Variants in CNTNAP3 observed in about 807,000 individuals in gnomAD.
The protein encoded by CNTNAP3 is contactin-associated protein-like 3.
A neutral mutation model predicts 92.1 loss-of-function variants in CNTNAP3; 36 were observed. The ratio of observed to expected loss-of-function variants is 0.39; its 90% CI spans 0.30 to 0.52. CNTNAP3 has a LOEUF of 0.52. Ranked by LOEUF, CNTNAP3 falls within the 20% of genes least tolerant of loss-of-function variation. The pLI is 0.76. For synonymous variants in CNTNAP3, 232 were observed against 422.3 expected (o/e 0.55, Z 5.53); for missense variants, 534 against 1,069.6 (o/e 0.50, Z 6.98).
rs963731226 is a variant in CNTNAP3 at position 39,066,131 on chromosome 9, C to T, written c.*7759G>A. ...ATTGTGTAATATTGTAATATTATCA[C>T]TGTTTTTGTTACTCTAGCATTTGCT... On this transcript the variant is annotated 3_prime_UTR_variant, in exon 24 of 24. Transcript: ENST00000297668. 1.1e-4 allele frequency among the ~76,000 whole-genome samples: 17 copies of T among 152,274 alleles called. No homozygotes were observed. Among genetic ancestry groups the T allele is most frequent in the African/African-American group, 3.9e-4 (16 of 41,550 alleles).
intron 11 of CNTNAP3, among the ~76,000 whole-genome samples, chr9:39,142,825 A>G (rs542096035): frequency 1.6e-4 from 24 of 152,282 alleles, no homozygotes; most frequent in African/African-American, 9.6e-5. Flanking sequence ...CTGGGAGCGC[A>G]GAATTCTCAT....
rs530387235 is a variant in CNTNAP3, at chr9:39,089,693, GTTTTA to G, written c.2996-1051_2996-1047del. ...TACATTCCAAACAGCAATTATGAGG[GTTTTA>G]ATATCTCCACATCCTCACCAACATT... is the stretch of plus-strand genomic sequence containing the variant. On this transcript the variant is annotated intron_variant, in intron 18 of 23. Transcript: ENST00000297668. Among the ~76,000 whole-genome samples the G allele has an allele frequency of 9.5e-3, 1,439 of 152,070 alleles. 12 individuals carry two copies. Among genetic ancestry groups the G allele is most frequent in the Middle Eastern group, 0.041 (12 of 294 alleles).
intron 10 of CNTNAP3, among the ~76,000 whole-genome samples, chr9:39,146,114 C>A (rs549298402): frequency 6.6e-6 from 1 of 152,076 alleles, no homozygotes; most frequent in Admixed American, 6.5e-5. Context: ...TTTTCTTCAA[C>A]TAAACACAAC....
rs997853115 is a variant in CNTNAP3, at chr9:39,099,769, T to C, written c.2995+142A>G. 2.3e-4 allele frequency: 220 copies of C among 967,488 alleles called. 1 individual carries two copies. The highest frequency in any genetic ancestry group is 3.2e-4 in the Non-Finnish European group (210 of 657,980). The allele number at this position is 967,488 out of a possible 1,614,324, so 59.9% of individuals were successfully genotyped here. A position where few individuals can be genotyped will look rare whatever the true frequency, so the allele number is the denominator to read the frequency against. On this transcript the variant is annotated intron_variant, in intron 18 of 23. Coordinates refer to ENST00000297668, the MANE Select transcript of CNTNAP3 (RefSeq NM_033655.5). ...ACAGTCATATCCCTTCTAAATTCAA[T>C]AGAGGAATTTGGTACAGAAATTATT... is the stretch of plus-strand genomic sequence containing the variant.
At chr9:39,111,284 G>A (rs1231961494) in intron 14 of CNTNAP3, among the ~76,000 whole-genome samples, 2 of 151,886 alleles carry the variant, frequency 1.3e-5, no homozygotes, top group Admixed American at 6.6e-5. Flanking sequence ...TACTTAACTC[G>A]ACTTTTGTAC....
chr9:39,080,240 C>G (rs1825899069), intron 21 of CNTNAP3, among the ~76,000 whole-genome samples: 1 of 142,518 alleles, frequency 7.0e-6, no homozygotes, highest in Admixed American at 6.8e-5. Flanking sequence ...TGGTTTTAAC[C>G]CAAATCTCCC....
chr9:39,086,474 A>G (rs1017031768), intron 20 of CNTNAP3: 37 of 514,260 alleles, frequency 7.2e-5, no homozygotes, highest in Middle Eastern at 5.3e-4. Flanking sequence ...TATTTTAAAT[A>G]GTAAAATATT....
chr9:39,121,228 G>A (rs1170927313), intron 13 of CNTNAP3, among the ~76,000 whole-genome samples: 3 of 151,714 alleles, frequency 2.0e-5, no homozygotes, highest in Non-Finnish European at 2.9e-5. Flanking sequence ...AATACACTCT[G>A]CAAAAATTAA....
At position 39,210,438 on chromosome 9, in the gene CNTNAP3, GA is replaced by G. The variant is rs984022206; in HGVS notation, c.391-17164del. ...TTTGACCCTCATAAAGAAGGGAAGG[GA>G]AAAGGAGGGGAGGGGAAGGGAAGGG... On this transcript the variant is annotated intron_variant, in intron 3 of 23. Coordinates refer to ENST00000297668, the MANE Select transcript of CNTNAP3 (RefSeq NM_033655.5). Among the ~76,000 whole-genome samples the G allele has an allele frequency of 1.8e-3, 49 of 27,460 alleles. 5 individuals are homozygous for G. The highest frequency in any genetic ancestry group is 2.6e-3 in the African/African-American group (47 of 18,054). The allele number at this position is 27,460 out of a possible 152,430, so 18.0% of individuals were successfully genotyped here. A position where few individuals can be genotyped will look rare whatever the true frequency, so the allele number is the denominator to read the frequency against.
intron 13 of CNTNAP3, among the ~76,000 whole-genome samples, chr9:39,126,031 C>A (rs1821145798): frequency 6.6e-6 from 1 of 152,132 alleles, no homozygotes; most frequent in Admixed American, 6.6e-5. Flanking sequence ...AATATTTTAT[C>A]TAGACACTGC....
At chr9:39,106,370 C>G (rs1826606698) in intron 15 of CNTNAP3, 2 of 152,012 alleles carry the variant, frequency 1.3e-5, no homozygotes, top group Non-Finnish European at 2.9e-5. Context: ...AGTTCACTGC[C>G]ACCTCACATT....
At chr9:39,114,385 A>T (rs1383507087) in intron 14 of CNTNAP3, among the ~76,000 whole-genome samples, 1 of 152,040 alleles carries the variant, frequency 6.6e-6, no homozygotes, top group Non-Finnish European at 1.5e-5. Context: ...GCGCCCTGCC[A>T]CTTCTTTATA....
intron 12 of CNTNAP3, among the ~76,000 whole-genome samples, chr9:39,135,912 G>A (rs1192403518): frequency 2.6e-5 from 4 of 151,498 alleles, no homozygotes; most frequent in Admixed American, 6.6e-5. Flanking sequence ...GGCAGATTAC[G>A]AGGTCAGGAG....
chr9:39,105,328 G>A (rs1368374698), intron 15 of CNTNAP3, among the ~76,000 whole-genome samples: 2 of 152,178 alleles, frequency 1.3e-5, no homozygotes, highest in African/African-American at 2.4e-5. Context: ...TCGGGAGGCT[G>A]AGGCAGGAGA....
rs541006643 is a variant in CNTNAP3, at chr9:39,149,730, C to G, written c.1649+76G>C. On this transcript the variant is annotated intron_variant, in intron 10 of 23. Coordinates refer to ENST00000297668, the MANE Select transcript of CNTNAP3 (RefSeq NM_033655.5). ...AACAACAAAAAAGAGAACGGAATGC[C>G]TTTTTCCAGCTGTCTACATTTGCTT... The G allele has an allele frequency of 6.4e-4, 514 of 801,458 alleles. 1 individual carries two copies. In the African/African-American group the frequency reaches 8.0e-3, roughly 12 times the overall value. The allele number at this position is 801,458 out of a possible 1,614,324, so 49.6% of individuals were successfully genotyped here. A position where few individuals can be genotyped will look rare whatever the true frequency, so the allele number is the denominator to read the frequency against.
Position 39,068,659 on chromosome 9 carries a change from G to T in CNTNAP3, c.*5231C>A, listed in dbSNP as rs1424223056. Among the ~76,000 whole-genome samples, 1 of 152,306 alleles carries T rather than the reference G, an allele frequency of 6.6e-6. No individual in the cohort carries two copies. Among genetic ancestry groups the T allele is most frequent in the Non-Finnish European group, 1.5e-5 (1 of 68,056 alleles). On this transcript the variant is annotated 3_prime_UTR_variant, in exon 24 of 24. Coordinates refer to ENST00000297668, the MANE Select transcript of CNTNAP3 (RefSeq NM_033655.5). ...TTTTCTCCAATGCAGCTCTTTCCTC[G>T]CCGGTACTCTATCCTGCAATCTCTA...
intron 8 of CNTNAP3, among the ~76,000 whole-genome samples, chr9:39,168,062 G>T (rs1822201765): frequency 7.1e-6 from 1 of 141,396 alleles, no homozygotes; most frequent in Non-Finnish European, 1.6e-5. Context: ...TGTCACCCAG[G>T]CTGGAGTGCA....
rs1302819105 is a variant in CNTNAP3 at position 39,255,523 on chromosome 9, C to A, written c.196+11373G>T. Among the ~76,000 whole-genome samples the A allele has an allele frequency of 2.9e-3, 140 of 47,530 alleles. 18 individuals are homozygous for A. The highest frequency in any genetic ancestry group is 5.4e-3 in the African/African-American group (132 of 24,260). 31.2% of individuals were successfully genotyped at this position (47,530 alleles called of 152,430 possible). ...AAACAAAACAAATAAAAAAAATCTACTAATTATAATTTTTGCTTCAGCAGC... is the reference window on the plus strand; with the variant it reads ...AAACAAAACAAATAAAAAAAATCTAATAATTATAATTTTTGCTTCAGCAGC... On this transcript the variant is annotated intron_variant, in intron 2 of 23. Coordinates refer to ENST00000297668, the MANE Select transcript of CNTNAP3 (RefSeq NM_033655.5).
chr9:39,101,942 T>G (rs1184650269), intron 17 of CNTNAP3, among the ~76,000 whole-genome samples: 1 of 152,300 alleles, frequency 6.6e-6, no homozygotes, highest in Non-Finnish European at 1.5e-5. Flanking sequence ...GGCTTGGCTA[T>G]CTCATCTGTA....
Sources: gnomAD v4.1 joint callset for allele counts (sites outside exome capture counted in the v4.1 genomes callset) on GRCh38, gnomAD v4.1.1 for gene constraint, MANE v1.5 for transcripts, NCBI Gene and HGNC (gene_info 2026-07-23, HGNC 2026-07-21) for gene names.